Variants in UNC5C observed in about 807,000 individuals in gnomAD.
The protein encoded by UNC5C is unc-5 netrin receptor C, also known as netrin receptor UNC5C.
In UNC5C, 47 loss-of-function variants were observed where a neutral mutation model predicts 99.8. The ratio of observed to expected loss-of-function variants is 0.47; its 90% CI spans 0.37 to 0.60. UNC5C has a LOEUF of 0.60. UNC5C is among the 20% of genes least tolerant of loss of function. UNC5C has a pLI of 0.00. For synonymous variants in UNC5C, 487 were observed against 452.2 expected (o/e 1.08, Z -0.98); for missense variants, 1,062 against 1,165.9 (o/e 0.91, Z 1.30).
intron 8 of UNC5C, among the ~76,000 whole-genome samples, 177 bp downstream of exon 8, chr4:95,219,807 AT>A (rs1244628590): frequency 1.3e-5 from 2 of 152,262 alleles, no homozygotes; most frequent in Admixed American, 6.5e-5. Flanking sequence ...AAGAGGATTT[AT>A]CTTGTTAACT....
chr4:95,308,030 GAA>G (rs1742123358), intron 2 of UNC5C, among the ~76,000 whole-genome samples: 1 of 152,164 alleles, frequency 6.6e-6, no homozygotes, highest in African/African-American at 2.4e-5. Flanking sequence ...GTGAAAAGTT[GAA>G]AGTTTTTCCT....
intron 12 of UNC5C, among the ~76,000 whole-genome samples, chr4:95,194,685 A>T (rs1158013670): frequency 3.3e-5 from 5 of 152,164 alleles, no homozygotes; most frequent in Non-Finnish European, 7.3e-5. Flanking sequence ...ATGTAATTAG[A>T]CTGGACTCAC....
intron 2 of UNC5C, among the ~76,000 whole-genome samples, chr4:95,327,466 A>C (rs1413270383): frequency 6.6e-6 from 1 of 152,088 alleles, no homozygotes; most frequent in Non-Finnish European, 1.5e-5. Context: ...CTGAGCTGTC[A>C]ACTGCTTGTT....
intron 4 of UNC5C, among the ~76,000 whole-genome samples, chr4:95,258,962 C>T (rs1459072934): frequency 2.7e-5 from 4 of 150,696 alleles, no homozygotes; most frequent in Non-Finnish European, 5.9e-5. Flanking sequence ...GGGGTTTCAC[C>T]TTGTTAGCCA....
chr4:95,220,179 A>G lies in UNC5C; in HGVS notation c.1109-3T>C. ...AACATCATCTGAATCAGGAGCAGCT[A>G]GAGAGGAGAGTGAAACATTGAACCA... On this transcript the variant is annotated splice_polypyrimidine_tract_variant and splice_region_variant and intron_variant, in intron 7 of 15. Coordinates refer to ENST00000453304, the MANE Select transcript of UNC5C (RefSeq NM_003728.4). 6.2e-7 allele frequency: 1 copy of G among 1,610,702 alleles called. No homozygotes were observed. The highest frequency in any genetic ancestry group is 8.5e-7 in the Non-Finnish European group (1 of 1,178,068).
intron 1 of UNC5C, among the ~76,000 whole-genome samples, chr4:95,535,221 G>T (rs1207345022): frequency 6.6e-6 from 1 of 150,816 alleles, no homozygotes; most frequent in Non-Finnish European, 1.5e-5. Flanking sequence ...TGTAAAATCA[G>T]AATCTCATAA....
rs1038426601 is a variant in UNC5C, at chr4:95,523,345, G to T, written c.124+25389C>A. Among the ~76,000 whole-genome samples the T allele has an allele frequency of 2.6e-5, 4 of 152,230 alleles. No homozygotes were observed. In the East Asian group the frequency reaches 7.7e-4, roughly 29 times the overall value. ...CAGCAGCTGGGGGATGTGTGCACTG[G>T]GCCAGTAAAGGAGATAGGACAGGAA... On this transcript the variant is annotated intron_variant, in intron 1 of 15. Coordinates refer to ENST00000453304, the MANE Select transcript of UNC5C (RefSeq NM_003728.4).
chr4:95,519,317 T>C (rs1321675014), intron 1 of UNC5C, among the ~76,000 whole-genome samples: 2 of 152,110 alleles, frequency 1.3e-5, no homozygotes, highest in African/African-American at 4.8e-5. Flanking sequence ...AGAATCCATC[T>C]GGAGGGGAAA....
intron 1 of UNC5C, among the ~76,000 whole-genome samples, chr4:95,430,127 A>T (rs1474661250): frequency 2.0e-5 from 3 of 152,122 alleles, no homozygotes; most frequent in Non-Finnish European, 2.9e-5. Context: ...AATGTACAAC[A>T]GTAAGAGTGA....
intron 5 of UNC5C, among the ~76,000 whole-genome samples, chr4:95,246,257 C>A (rs1300484443): frequency 1.3e-5 from 2 of 152,104 alleles, no homozygotes; most frequent in Non-Finnish European, 2.9e-5. Context: ...CTGTAGAAGG[C>A]TATTTAATAA....
At chr4:95,308,135 A>T (rs1204335902) in intron 2 of UNC5C, among the ~76,000 whole-genome samples, 1 of 152,180 alleles carries the variant, frequency 6.6e-6, no homozygotes, top group Non-Finnish European at 1.5e-5. Flanking sequence ...AGAGGAAAAA[A>T]ATTCTAAATC....
intron 1 of UNC5C, among the ~76,000 whole-genome samples, chr4:95,439,992 T>A (rs1746902429): frequency 6.6e-6 from 1 of 152,188 alleles, no homozygotes; most frequent in Non-Finnish European, 1.5e-5. Flanking sequence ...ATGCTGTTTA[T>A]TTTCCCTTAT....
chr4:95,547,045 T>G (rs544667662), intron 1 of UNC5C, among the ~76,000 whole-genome samples: 24 of 151,928 alleles, frequency 1.6e-4, no homozygotes, highest in African/African-American at 5.8e-4. Flanking sequence ...GGTTGTTCAC[T>G]TAAGCTTCCA....
At chr4:95,318,251 G>C (rs976106033) in intron 2 of UNC5C, among the ~76,000 whole-genome samples, 4 of 152,064 alleles carry the variant, frequency 2.6e-5, no homozygotes, top group African/African-American at 9.7e-5. Context: ...TGGAGGAGAA[G>C]GTGACGTGAA....
At chr4:95,316,111 A>G (rs1742466757) in intron 2 of UNC5C, among the ~76,000 whole-genome samples, 1 of 152,214 alleles carries the variant, frequency 6.6e-6, no homozygotes, top group Non-Finnish European at 1.5e-5. Flanking sequence ...TTAAGTGTAC[A>G]TCAAGCTCAC....
At chr4:95,484,838 T>A (rs924125316) in intron 1 of UNC5C, among the ~76,000 whole-genome samples, 7 of 151,912 alleles carry the variant, frequency 4.6e-5, no homozygotes, top group African/African-American at 1.7e-4. Context: ...AAGGTTAAAG[T>A]AGTGAAGGTG....
chr4:95,347,695 G>A (rs1408335813), intron 1 of UNC5C, among the ~76,000 whole-genome samples: 2 of 151,962 alleles, frequency 1.3e-5, no homozygotes, highest in Admixed American at 1.3e-4. Flanking sequence ...TGAGAAAACT[G>A]GGTATCCGTA....
intron 1 of UNC5C, among the ~76,000 whole-genome samples, chr4:95,539,813 T>A (rs1165555238): frequency 6.6e-6 from 1 of 152,114 alleles, no homozygotes; most frequent in Non-Finnish European, 1.5e-5. Flanking sequence ...AAAAATGGCA[T>A]GTGTATCTTT....
intron 10 of UNC5C, among the ~76,000 whole-genome samples, chr4:95,208,404 A>G (rs1737957485): frequency 6.6e-6 from 1 of 152,240 alleles, no homozygotes; most frequent in Admixed American, 6.5e-5. Flanking sequence ...GTCTGGTTCC[A>G]TGATTGTAAT....
Sources: gnomAD v4.1 joint callset for allele counts (sites outside exome capture counted in the v4.1 genomes callset) on GRCh38, gnomAD v4.1.1 for gene constraint, MANE v1.5 for transcripts, NCBI Gene and HGNC (gene_info 2026-07-23, HGNC 2026-07-21) for gene names.